Variants in ZFPM1 observed in about 807,000 individuals in gnomAD.
ZFPM1 encodes the protein zinc finger protein, FOG family member 1.
A neutral mutation model predicts 46.3 loss-of-function variants in ZFPM1; 28 were observed. The ratio of observed to expected loss-of-function variants is 0.60; its 90% CI spans 0.45 to 0.83. The LOEUF is 0.83. Among genes scored for constraint, ZFPM1 ranks in the 40% least tolerant of loss-of-function variants. The probability of loss-of-function intolerance (pLI) is 0.00; values close to 1 mark genes in which losing one functional copy is unlikely to be tolerated. For missense variants in ZFPM1, 1,878 were observed against 1,432.4 expected, an observed-to-expected ratio of 1.31 and a Z score of -5.02; for synonymous variants, 957 against 675.9, an observed-to-expected ratio of 1.42 and a Z score of -6.45.
At chr16:88,456,931 C>G (rs1907586383) in intron 1 of ZFPM1, among the ~76,000 whole-genome samples, 3 of 152,164 alleles carry the variant, frequency 2.0e-5, no homozygotes. Context: ...CGGAAGGAGC[C>G]GGGGAGGGAG....
intron 1 of ZFPM1, among the ~76,000 whole-genome samples, chr16:88,459,795 C>T (rs563690881): frequency 1.3e-4 from 16 of 119,680 alleles, no homozygotes; most frequent in African/African-American, 5.0e-4. Flanking sequence ...TCCTCCCCCT[C>T]TTCCTCCCCC....
At chr16:88,493,507 CTGTCCCAGGG>C (rs1909739884) in intron 3 of ZFPM1, among the ~76,000 whole-genome samples, 1 of 144,148 alleles carries the variant, frequency 6.9e-6, no homozygotes, top group Non-Finnish European at 1.5e-5. Context: ...GTGGGGAGAG[CTGTCCCAGGG>C]TGCGGGGAGC....
chr16:88,527,760 C>G (rs1041639423), intron 5 of ZFPM1, among the ~76,000 whole-genome samples: 1 of 151,746 alleles, frequency 6.6e-6, no homozygotes, highest in Admixed American at 6.6e-5. Context: ...CTCCACCACC[C>G]GCCCTCCACG....
At chr16:88,508,355 C>T (rs895490003) in intron 3 of ZFPM1, among the ~76,000 whole-genome samples, 5 of 152,206 alleles carry the variant, frequency 3.3e-5, no homozygotes, top group Admixed American at 3.3e-4. Flanking sequence ...ATGCATTTCT[C>T]ACCAGGCTTG....
Position 88,483,990 on chromosome 16 carries a change from G to A in ZFPM1, c.41-1949G>A, listed in dbSNP as rs183151641. Reference sequence around the variant, plus strand: ...TCTGACATGAGCCTCTGAACCTGGCGTTGGACGCTGGCGGGTGGCACGTTT... The same window carrying A: ...TCTGACATGAGCCTCTGAACCTGGCATTGGACGCTGGCGGGTGGCACGTTT... On this transcript the variant is annotated intron_variant, in intron 1 of 9. Coordinates refer to ENST00000319555, the MANE Select transcript of ZFPM1 (RefSeq NM_153813.3). Among the ~76,000 whole-genome samples the A allele has an allele frequency of 1.3e-4, 20 of 152,316 alleles. No homozygotes were observed. The East Asian group carries it at 3.5e-3, about 26-fold the overall frequency.
chr16:88,477,653 C>T (rs988261982), intron 1 of ZFPM1, among the ~76,000 whole-genome samples: 1 of 152,188 alleles, frequency 6.6e-6, no homozygotes, highest in Non-Finnish European at 1.5e-5. Context: ...CGTGATTGCA[C>T]AGGCACACTC....
At chr16:88,517,655 T>C (rs1911430856) in intron 4 of ZFPM1, among the ~76,000 whole-genome samples, 1 of 145,326 alleles carries the variant, frequency 6.9e-6, no homozygotes, top group Non-Finnish European at 1.5e-5. Flanking sequence ...GATAAGTGGA[T>C]GGATGGGAGG....
chr16:88,533,848 C>G lies in ZFPM1; in HGVS notation c.1890C>G (p.Ala630=). Residue 630 remains alanine (A), a synonymous_variant, in exon 10 of 10, where the codon GCC becomes GCG. Transcript: ENST00000319555. ...CCCGCGCGCCCCCCGGCCAGCCCGCCGAACCCGACGCGCCGCGCTCGTCCC... is the reference window on the plus strand; with the variant it reads ...CCCGCGCGCCCCCCGGCCAGCCCGCGGAACCCGACGCGCCGCGCTCGTCCC... The part of the protein sequence containing the change: ...GPARAPPGQP[A]EPDAPRSSPG... 1.0e-6 allele frequency: 1 copy of G among 984,972 alleles called. No individual in the cohort carries two copies. The highest frequency in any genetic ancestry group is 5.2e-4 in the Middle Eastern group (1 of 1,930). The allele number at this position is 984,972 out of a possible 1,614,324, so 61.0% of individuals were successfully genotyped here.
intron 3 of ZFPM1, among the ~76,000 whole-genome samples, chr16:88,507,120 G>C (rs970306448): frequency 6.6e-6 from 1 of 152,212 alleles, no homozygotes; most frequent in Non-Finnish European, 1.5e-5. Flanking sequence ...CACTGCAAGT[G>C]GGGGTATGGC....
intron 1 of ZFPM1, among the ~76,000 whole-genome samples, chr16:88,484,120 G>C (rs980381677): frequency 5.3e-5 from 8 of 152,210 alleles, no homozygotes; most frequent in Non-Finnish European, 1.2e-4. Context: ...GCAAAGCAGG[G>C]ATCATGAGGG....
At chr16:88,509,295 C>G (rs1443587552) in intron 3 of ZFPM1, among the ~76,000 whole-genome samples, 1 of 152,264 alleles carries the variant, frequency 6.6e-6, no homozygotes, top group Non-Finnish European at 1.5e-5. Context: ...CAAAGCTGGA[C>G]CCAGCTGGCC....
At chr16:88,461,126 T>TGGGGCGGGAGGCCTGGTGAGGACCGA in intron 1 of ZFPM1, among the ~76,000 whole-genome samples, 2 of 52,102 alleles carry the variant, frequency 3.8e-5, no homozygotes, top group South Asian at 1.3e-3. Context: ...GACCCAGGGA[T>TGGGGCGGGAGGCCTGGTGAGGACCGA]GGGGCGGGAG....
chr16:88,484,250 A>G (rs1283967372), intron 1 of ZFPM1, among the ~76,000 whole-genome samples: 1 of 152,210 alleles, frequency 6.6e-6, no homozygotes, highest in Non-Finnish European at 1.5e-5. Context: ...CAGAGGGGCC[A>G]TGAGGCAAGA....
At position 88,489,112 on chromosome 16, in the gene ZFPM1, G is replaced by A. The variant is rs763949124; in HGVS notation, c.227G>A (p.Arg76Lys). 1.2e-6 allele frequency: 2 copies of A among 1,611,960 alleles called. No individual in the cohort carries two copies. The highest frequency in any genetic ancestry group is 1.7e-6 in the Non-Finnish European group (2 of 1,179,364). ...KELEGQEPEP[R>K]PTEEEPGSPW... Reference sequence around the variant, plus strand: ...CTGGAAGGACAGGAACCAGAACCCAGGCCCACGGAGGAAGAGCCGGGCAGT... The same window carrying A: ...CTGGAAGGACAGGAACCAGAACCCAAGCCCACGGAGGAAGAGCCGGGCAGT... Residue 76 changes from arginine to lysine, a missense_variant, in exon 3 of 10, where the codon AGG becomes AAG. Coordinates refer to ENST00000319555, the MANE Select transcript of ZFPM1 (RefSeq NM_153813.3).
At chr16:88,519,810 AG>A (rs991893220) in intron 4 of ZFPM1, among the ~76,000 whole-genome samples, 3 of 149,266 alleles carry the variant, frequency 2.0e-5, no homozygotes, top group East Asian at 4.1e-4. Flanking sequence ...GATGATGGAC[AG>A]GTGGATGAAT....
chr16:88,486,584 C>T (rs1909237722), intron 2 of ZFPM1, among the ~76,000 whole-genome samples: 1 of 149,640 alleles, frequency 6.7e-6, no homozygotes, highest in Non-Finnish European at 1.5e-5. Flanking sequence ...GTGCTAGGTG[C>T]ACCATGGGCG....
intron 5 of ZFPM1, 100 bp from the exon 6 acceptor site, chr16:88,527,932 C>G: frequency 8.1e-7 from 1 of 1,237,010 alleles, no homozygotes; most frequent in South Asian, 1.6e-5. Context: ...GCTGTGAACC[C>G]GGGTGGCCGC....
In ZFPM1 at chr16:88,534,757, C is replaced by T. The variant is rs993030969; in HGVS notation, c.2799C>T (p.Pro933=). 9.3e-6 allele frequency: 10 copies of T among 1,073,422 alleles called. No individual in the cohort carries two copies. The African/African-American group carries it at 1.5e-4, about 16-fold the overall frequency. The allele number at this position is 1,073,422 out of a possible 1,614,324, so 66.5% of individuals were successfully genotyped here. ...PEPQEPPPGP[P]PSPAAAPEAV... is the part of the protein sequence containing the mutation. ...CCCAGGAGCCGCCGCCCGGCCCGCCCCCGTCCCCGGCCGCCGCGCCCGAGG... is the reference window on the plus strand; with the variant it reads ...CCCAGGAGCCGCCGCCCGGCCCGCCTCCGTCCCCGGCCGCCGCGCCCGAGG... The change falls in exon 10 of 10, where the codon CCC becomes CCT. Residue 933 remains proline (P), a synonymous_variant. Coordinates refer to ENST00000319555, the MANE Select transcript of ZFPM1 (RefSeq NM_153813.3).
At chr16:88,521,779 CA>C (rs751359143) in intron 4 of ZFPM1, among the ~76,000 whole-genome samples, 96 of 89,482 alleles carry the variant, frequency 1.1e-3, no homozygotes, top group Admixed American at 1.6e-3. Context: ...GCTGTTCCCA[CA>C]CCCTGTGCTG....
Sources: gnomAD v4.1 joint callset for allele counts (sites outside exome capture counted in the v4.1 genomes callset) on GRCh38, gnomAD v4.1.1 for gene constraint, MANE v1.5 for transcripts, NCBI Gene and HGNC (gene_info 2026-07-23, HGNC 2026-07-21) for gene names.